PDE10A: variants seen among roughly 807,000 people sequenced by gnomAD.
PDE10A encodes the protein cAMP and cAMP-inhibited cGMP 3',5'-cyclic phosphodiesterase 10A.
Under a neutral mutation model 97.7 loss-of-function variants are expected in PDE10A, and 39 were observed. The observed-to-expected ratio is 0.40, with a 90% CI of 0.31 to 0.52. The LOEUF (loss-of-function observed/expected upper bound fraction) is 0.52, where lower values mean the gene tolerates loss of function less well. Among genes scored for constraint, PDE10A ranks in the 20% least tolerant of loss-of-function variants. The pLI is 0.56. For missense variants in PDE10A, 731 were observed against 1,047.8 expected (o/e 0.70, Z 4.17); for synonymous variants, 371 against 376.8 (o/e 0.98, Z 0.18).
At chr6:165,858,494 G>A (rs527719402) in intron 1 of PDE10A, among the ~76,000 whole-genome samples, 10 of 152,286 alleles carry the variant, frequency 6.6e-5, no homozygotes, top group African/African-American at 2.4e-4. Flanking sequence ...TTGCAGCAAC[G>A]GTTTCACCTT....
chr6:165,691,075 T>TCTCTCTCTC (rs1562686771), intron 1 of PDE10A, among the ~76,000 whole-genome samples: 2 of 50,378 alleles, frequency 4.0e-5, no homozygotes, highest in East Asian at 8.5e-4. Flanking sequence ...CTCTCTCTCT[T>TCTCTCTCTC]TCTCTCTCTC....
chr6:165,333,265 C>T (rs553775125), intron 21 of PDE10A, 138 bp from the exon 22 acceptor site: 102 of 632,424 alleles, frequency 1.6e-4, no homozygotes, highest in South Asian at 1.5e-3. Context: ...GTTACCAGCA[C>T]GACGTGGCCA....
chr6:165,934,613 A>G (rs1347202116), intron 1 of PDE10A, among the ~76,000 whole-genome samples: 1 of 152,192 alleles, frequency 6.6e-6, no homozygotes. Flanking sequence ...TGGTCACTGA[A>G]ATGAAGACTT....
chr6:165,526,335 C>T (rs988642750), intron 2 of PDE10A, among the ~76,000 whole-genome samples: 1 of 152,142 alleles, frequency 6.6e-6, no homozygotes, highest in Non-Finnish European at 1.5e-5. Flanking sequence ...TCCCTGGACT[C>T]ATCCTGTGGT....
At chr6:165,739,018 C>T (rs1452053413) in intron 1 of PDE10A, among the ~76,000 whole-genome samples, 1 of 152,170 alleles carries the variant, frequency 6.6e-6, no homozygotes, top group Non-Finnish European at 1.5e-5. Flanking sequence ...GAAAGATATC[C>T]TGTCTTCATA....
intron 3 of PDE10A, among the ~76,000 whole-genome samples, chr6:165,456,322 T>C (rs1456714355): frequency 2.0e-5 from 3 of 152,212 alleles, no homozygotes; most frequent in African/African-American, 4.8e-5. Flanking sequence ...AGATATTTCT[T>C]TTAAATAAAC....
At chr6:165,386,770 A>T (rs145263970) in intron 17 of PDE10A, among the ~76,000 whole-genome samples, 1 of 151,744 alleles carries the variant, frequency 6.6e-6, no homozygotes, top group Non-Finnish European at 1.5e-5. Flanking sequence ...TGGGAGGCTG[A>T]GGCGGGCGGA....
At chr6:165,798,130 A>G (rs1778877711) in intron 1 of PDE10A, among the ~76,000 whole-genome samples, 1 of 152,226 alleles carries the variant, frequency 6.6e-6, no homozygotes, top group South Asian at 2.1e-4. Flanking sequence ...TTGGCAAATC[A>G]TATTAGCTTT....
chr6:165,923,939 G>A (rs970965752), intron 1 of PDE10A, among the ~76,000 whole-genome samples: 1 of 152,158 alleles, frequency 6.6e-6, no homozygotes, highest in Non-Finnish European at 1.5e-5. Context: ...CCAACACATT[G>A]GGAAACAAAG....
At chr6:165,616,339 C>A (rs1245782123) in intron 1 of PDE10A, among the ~76,000 whole-genome samples, 2 of 152,054 alleles carry the variant, frequency 1.3e-5, no homozygotes, top group African/African-American at 4.8e-5. Context: ...AGTGTAAGTC[C>A]CCAGGGAACA....
At chr6:165,611,770 T>G (rs1383773982) in intron 1 of PDE10A, among the ~76,000 whole-genome samples, 1 of 152,246 alleles carries the variant, frequency 6.6e-6, no homozygotes, top group Non-Finnish European at 1.5e-5. Context: ...GTTATGTTTA[T>G]TGCATACAAC....
At chr6:165,590,472 G>C (rs1451526507) in intron 1 of PDE10A, among the ~76,000 whole-genome samples, 1 of 152,138 alleles carries the variant, frequency 6.6e-6, no homozygotes, top group African/African-American at 2.4e-5. Context: ...TAAAGAGTAT[G>C]TACTTTTCAT....
intron 1 of PDE10A, among the ~76,000 whole-genome samples, chr6:165,793,332 A>G (rs1315530151): frequency 6.6e-6 from 1 of 152,140 alleles, no homozygotes; most frequent in Non-Finnish European, 1.5e-5. Context: ...TGATGAAGAT[A>G]AAATTCAATT....
chr6:165,654,986 G>T (rs1400974082), intron 1 of PDE10A, among the ~76,000 whole-genome samples: 2 of 152,120 alleles, frequency 1.3e-5, no homozygotes, highest in African/African-American at 4.8e-5. Flanking sequence ...TTCACTCCTG[G>T]TCTCCATTCA....
intron 1 of PDE10A, among the ~76,000 whole-genome samples, chr6:165,675,613 C>A (rs1345167542): frequency 6.6e-6 from 1 of 152,202 alleles, no homozygotes; most frequent in East Asian, 1.9e-4. Flanking sequence ...CTTCCCAAAT[C>A]ACATCAGGCT....
intron 1 of PDE10A, among the ~76,000 whole-genome samples, chr6:165,750,266 A>G (rs9348041): frequency 0.17 from 26,412 of 152,186 alleles, 2,642 homozygotes; most frequent in East Asian, 0.36. Flanking sequence ...GAATTAGCTG[A>G]GTTTCATAGG....
At position 165,396,344 on chromosome 6, in the gene PDE10A, G is replaced by C; in HGVS notation, c.2192C>G (p.Pro731Arg). 6.2e-7 allele frequency: 1 copy of C among 1,613,174 alleles called. No individual in the cohort carries two copies. Among genetic ancestry groups the C allele is most frequent in the East Asian group, 2.2e-5 (1 of 44,842 alleles). ...EWQGLMQFTL[P>R]VRLCKEIELF... ...TTCAATTTCTTTGCAGAGACGCACG[G>C]GAAGGGTGAATTGCATGAGACCTTG... The change falls in exon 14 of 22, where the codon CCC becomes CGC. Residue 731 changes from proline to arginine, a missense_variant. By Grantham distance (103) the Pro-to-Arg change is moderately radical. This residue lies in a region of PDE10A where 131 missense variants were observed against 187.4 expected (regional missense o/e 0.70). Coordinates refer to ENST00000539869, the MANE Select transcript of PDE10A (RefSeq NM_001385079.1).
At chr6:165,985,062 G>C (rs990715247) in intron 1 of PDE10A, among the ~76,000 whole-genome samples, 150 of 152,328 alleles carry the variant, frequency 9.8e-4, no homozygotes, top group African/African-American at 3.4e-3. Context: ...ACTCTGCCCA[G>C]CTCGGCCCCT....
intron 1 of PDE10A, among the ~76,000 whole-genome samples, chr6:165,804,022 CG>C (rs1779049817): frequency 6.6e-6 from 1 of 152,090 alleles, no homozygotes; most frequent in Admixed American, 6.5e-5. Context: ...AGCGAGCCAC[CG>C]TTTTTGACAG....
Sources: allele counts gnomAD v4.1 joint callset (sites outside exome capture counted in the v4.1 genomes callset), GRCh38; gene constraint gnomAD v4.1.1; regional missense constraint gnomAD v4.1.1; transcripts MANE v1.5; gene names NCBI Gene and HGNC (gene_info 2026-07-23, HGNC 2026-07-21).